Variants in CNTN5 observed in about 807,000 individuals in gnomAD.
The protein encoded by CNTN5 is contactin 5, also known as contactin-5.
Under a neutral mutation model 129.1 loss-of-function variants are expected in CNTN5, and 77 were observed. The ratio of observed to expected loss-of-function variants is 0.60; its 90% confidence interval spans 0.50 to 0.72. CNTN5 has a LOEUF of 0.72. CNTN5 is among the 30% of genes least tolerant of loss of function. The pLI is 0.00. For missense variants in CNTN5, 1,478 were observed against 1,328.8 expected (o/e 1.11, Z -1.75); for synonymous variants, 509 against 465.6 (o/e 1.09, Z -1.20).
intron 1 of CNTN5, among the ~76,000 whole-genome samples, chr11:99,021,715 T>C (rs1024221629): frequency 6.6e-6 from 1 of 152,190 alleles, no homozygotes; most frequent in Non-Finnish European, 1.5e-5. Flanking sequence ...GCATCTGGCA[T>C]TGCAATAACT....
intron 8 of CNTN5, among the ~76,000 whole-genome samples, chr11:99,966,224 T>C (rs964719164): frequency 2.0e-5 from 3 of 152,342 alleles, no homozygotes; most frequent in Non-Finnish European, 1.5e-5. Context: ...GCAGTATTTT[T>C]CCTTTCAAGT....
intron 6 of CNTN5, among the ~76,000 whole-genome samples, chr11:99,856,041 G>C (rs1416070293): frequency 7.2e-5 from 11 of 152,156 alleles, no homozygotes. Context: ...AAAATGCAGA[G>C]AGAAGTAAGA....
chr11:99,160,537 A>G (rs1343106218), intron 1 of CNTN5, among the ~76,000 whole-genome samples: 1 of 152,100 alleles, frequency 6.6e-6, no homozygotes, highest in Non-Finnish European at 1.5e-5. Flanking sequence ...AATGATATAT[A>G]TTTTACTTTT....
At chr11:99,092,041 A>AT (rs1199762347) in intron 1 of CNTN5, among the ~76,000 whole-genome samples, 2 of 152,132 alleles carry the variant, frequency 1.3e-5, no homozygotes, top group African/African-American at 4.8e-5. Context: ...ATTAATAATG[A>AT]TTTTTCTTCC....
intron 1 of CNTN5, among the ~76,000 whole-genome samples, chr11:99,314,868 T>C (rs116209277): frequency 0.025 from 3,672 of 147,438 alleles, 258 homozygotes; most frequent in African/African-American, 0.086. Flanking sequence ...AAGAAGAAAG[T>C]AGCTTCAGAG....
intron 3 of CNTN5, among the ~76,000 whole-genome samples, chr11:99,802,150 A>G (rs980861976): frequency 1.3e-5 from 2 of 152,300 alleles, no homozygotes; most frequent in African/African-American, 2.4e-5. Context: ...CTGTTCTTCT[A>G]TAGACCTATA....
chr11:99,718,722 A>G (rs985108163), intron 3 of CNTN5, among the ~76,000 whole-genome samples: 2 of 152,116 alleles, frequency 1.3e-5, no homozygotes, highest in African/African-American at 2.4e-5. Context: ...TTTAGTCTCT[A>G]TTTACTGACA....
At chr11:99,435,578 C>T (rs1943567296) in intron 2 of CNTN5, among the ~76,000 whole-genome samples, 1 of 152,172 alleles carries the variant, frequency 6.6e-6, no homozygotes, top group South Asian at 2.1e-4. Context: ...GCAAATGGGG[C>T]TTGAAATGTA....
At chr11:100,085,255 G>A (rs1259125365) in intron 13 of CNTN5, among the ~76,000 whole-genome samples, 1 of 151,974 alleles carries the variant, frequency 6.6e-6, no homozygotes, top group Non-Finnish European at 1.5e-5. Context: ...AATTTTTTCT[G>A]GAGTATCTGG....
chr11:100,082,299 T>C (rs1370686413), intron 13 of CNTN5, among the ~76,000 whole-genome samples: 3 of 152,178 alleles, frequency 2.0e-5, no homozygotes, highest in Admixed American at 6.6e-5. Flanking sequence ...TTGCTTTTAT[T>C]GAGATAGGGT....
At chr11:99,841,429 A>G (rs1947486826) in intron 4 of CNTN5, among the ~76,000 whole-genome samples, 1 of 152,174 alleles carries the variant, frequency 6.6e-6, no homozygotes, top group African/African-American at 2.4e-5. Context: ...TATACGGCTA[A>G]CTTTGCAGGA....
chr11:99,639,606 C>T (rs1452534186), intron 3 of CNTN5, among the ~76,000 whole-genome samples: 1 of 108,440 alleles, frequency 9.2e-6, no homozygotes, highest in East Asian at 2.6e-4. Context: ...ATCTTGCTTC[C>T]CAGGCTGGAG....
intron 13 of CNTN5, among the ~76,000 whole-genome samples, chr11:100,170,641 C>T (rs79988476): frequency 9.2e-5 from 14 of 152,036 alleles, no homozygotes; most frequent in African/African-American, 2.2e-4. Flanking sequence ...TTATCTCAAA[C>T]GCACTGAGCA....
At chr11:100,281,360 A>T (rs1950634175) in intron 18 of CNTN5, among the ~76,000 whole-genome samples, 1 of 152,084 alleles carries the variant, frequency 6.6e-6, no homozygotes, top group Non-Finnish European at 1.5e-5. Flanking sequence ...ACCAGATATA[A>T]TACTCTATGG....
intron 1 of CNTN5, among the ~76,000 whole-genome samples, chr11:99,237,284 T>C (rs1054941866): frequency 3.3e-5 from 5 of 152,182 alleles, no homozygotes; most frequent in African/African-American, 4.8e-5. Context: ...CTGTGTAAGA[T>C]TGATGTTATT....
chr11:99,724,406 C>T (rs1943269963), intron 3 of CNTN5, among the ~76,000 whole-genome samples: 1 of 152,132 alleles, frequency 6.6e-6, no homozygotes, highest in African/African-American at 2.4e-5. Context: ...AGTATGTGTT[C>T]ATTTTTATAT....
intron 1 of CNTN5, among the ~76,000 whole-genome samples, chr11:99,282,015 G>GT (rs112249570): frequency 0.021 from 3,245 of 151,854 alleles, 117 homozygotes; most frequent in African/African-American, 0.073. Context: ...TGTTTTGTTT[G>GT]TTTTTTTGTT....
intron 3 of CNTN5, among the ~76,000 whole-genome samples, chr11:99,779,264 A>G (rs1945230986): frequency 6.6e-6 from 1 of 152,028 alleles, no homozygotes; most frequent in South Asian, 2.1e-4. Context: ...TAAAATAATT[A>G]AATGTATAAC....
chr11:100,028,777 A>C (rs1350394768), intron 9 of CNTN5, among the ~76,000 whole-genome samples: 1 of 152,134 alleles, frequency 6.6e-6, no homozygotes, highest in Non-Finnish European at 1.5e-5. Context: ...GAACCCACAA[A>C]AATGTTTCTA....
Sources: allele counts gnomAD v4.1 joint callset (sites outside exome capture counted in the v4.1 genomes callset), GRCh38; gene constraint gnomAD v4.1.1; transcripts MANE v1.5; gene names NCBI Gene and HGNC (gene_info 2026-07-23, HGNC 2026-07-21).